TUSC3: variants seen among roughly 807,000 people sequenced by gnomAD.
TUSC3 encodes dolichyl-diphosphooligosaccharide--protein glycosyltransferase subunit TUSC3.
In TUSC3, 45 loss-of-function variants were observed where a neutral mutation model predicts 44.8. The observed-to-expected ratio is 1.00, with a 90% CI of 0.79 to 1.29. The LOEUF (loss-of-function observed/expected upper bound fraction) is 1.29, where lower values mean the gene tolerates loss of function less well. Ranked by LOEUF, TUSC3 falls within the 50% of genes most tolerant of loss-of-function variation. TUSC3 has a pLI of 0.00. For synonymous variants in TUSC3, 212 were observed against 152.9 expected (o/e 1.39, Z -2.85); for missense variants, 519 against 437.9 (o/e 1.19, Z -1.65).
chr8:15,517,948 C>T lies in TUSC3; in HGVS notation n.189+34465C>T, dbSNP rs554420035. Among the ~76,000 whole-genome samples, 6 of 151,222 alleles carry T rather than the reference C, an allele frequency of 4.0e-5. No individual in the cohort carries two copies. The South Asian group carries it at 1.3e-3, about 32-fold the overall frequency. ...GCTTTGGTACTATCGCAACTATTTA[C>T]ATTTGAAAACATCCTTACAACCCTC... On this transcript the variant is annotated intron_variant and non_coding_transcript_variant, in intron 2 of 5. Coordinates refer to the TUSC3 transcript ENST00000503191.
the TUSC3 span, among the ~76,000 whole-genome samples, chr8:15,795,845 TCAGC>T: frequency 2.0e-5 from 3 of 152,154 alleles, no homozygotes; most frequent in African/African-American, 4.8e-5. Flanking sequence ...CTGCATGAGG[TCAGC>T]CAGTCCAATC....
At chr8:15,771,742 C>T in the TUSC3 span, among the ~76,000 whole-genome samples, 1 of 151,888 alleles carries the variant, frequency 6.6e-6, no homozygotes, top group South Asian at 2.1e-4. Flanking sequence ...TTATGAGATA[C>T]ACAAAAAGGA....
intron 2 of TUSC3, among the ~76,000 whole-genome samples, chr8:15,494,406 C>A (rs996681522): frequency 2.0e-5 from 3 of 151,542 alleles, no homozygotes; most frequent in Admixed American, 2.0e-4. Context: ...CAGCCTCTGC[C>A]TCCCAGGTTC....
intron 2 of TUSC3, among the ~76,000 whole-genome samples, chr8:15,522,334 G>C (rs987342031): frequency 6.6e-6 from 1 of 151,964 alleles, no homozygotes; most frequent in African/African-American, 2.4e-5. Context: ...CCGGGTTCAA[G>C]CAATTCTTGT....
chr8:15,441,850 A>C (rs28622554), intron 1 of TUSC3, among the ~76,000 whole-genome samples: 24,791 of 152,138 alleles, frequency 0.16, 2,110 homozygotes, highest in Middle Eastern at 0.22. Flanking sequence ...TCTAAGCACA[A>C]TGTCAACCAA....
At chr8:15,699,124 A>T (rs1396710382) in intron 6 of TUSC3, among the ~76,000 whole-genome samples, 1 of 152,220 alleles carries the variant, frequency 6.6e-6, no homozygotes, top group African/African-American at 2.4e-5. Context: ...CCAGGATTAC[A>T]GAGGTGAGCC....
At chr8:15,846,611 A>G in the TUSC3 span, among the ~76,000 whole-genome samples, 1 of 152,128 alleles carries the variant, frequency 6.6e-6, no homozygotes, top group Non-Finnish European at 1.5e-5. Context: ...ATAAGAACAG[A>G]AAACCAAACA....
At chr8:15,732,528 A>T (rs553145898) in intron 7 of TUSC3, among the ~76,000 whole-genome samples, 1 of 152,056 alleles carries the variant, frequency 6.6e-6, no homozygotes, top group African/African-American at 2.4e-5. Context: ...CGTGAGAACA[A>T]ATACACCTAG....
rs1811308864 is a variant in TUSC3, at chr8:15,744,148, C to A, written c.937+536C>A. Among the ~76,000 whole-genome samples, 3 of 152,270 alleles carry A rather than the reference C, an allele frequency of 2.0e-5. No individual in the cohort carries two copies. The East Asian group carries it at 5.8e-4, about 29-fold the overall frequency. ...ATCTTTTCCAGGGTCTTTGCCTTTT[C>A]CATTGATATACCAAGATTTACAACT... On this transcript the variant is annotated intron_variant, in intron 8 of 10. Transcript: ENST00000503731.
intron 9 of TUSC3, among the ~76,000 whole-genome samples, chr8:15,754,444 A>G (rs1811836684): frequency 6.6e-6 from 1 of 152,168 alleles, no homozygotes; most frequent in South Asian, 2.1e-4. Flanking sequence ...ATCAACTGCT[A>G]GTACAGACAC....
intron 10 of TUSC3, among the ~76,000 whole-genome samples, chr8:15,761,291 C>T: frequency 6.6e-6 from 1 of 152,122 alleles, no homozygotes; most frequent in African/African-American, 2.4e-5. Context: ...GAGAGCCAGC[C>T]TTAAGGAGAG....
chr8:15,483,742 G>C (rs1025133472), intron 2 of TUSC3, among the ~76,000 whole-genome samples: 1 of 136,664 alleles, frequency 7.3e-6, no homozygotes, highest in Non-Finnish European at 1.5e-5. Flanking sequence ...TGCAAACTCC[G>C]CCTCCCGAGT....
At chr8:15,665,314 C>G (rs1807611329) in intron 5 of TUSC3, among the ~76,000 whole-genome samples, 1 of 151,418 alleles carries the variant, frequency 6.6e-6, no homozygotes, top group African/African-American at 2.4e-5. Flanking sequence ...TACAGAATCT[C>G]TGGCCCCATG....
intron 1 of TUSC3, among the ~76,000 whole-genome samples, chr8:15,575,225 T>G (rs1027920388): frequency 1.3e-5 from 2 of 152,198 alleles, no homozygotes; most frequent in African/African-American, 4.8e-5. Context: ...AAGTGGATTT[T>G]GTGTACTTGA....
At chr8:15,779,365 G>A in the TUSC3 span, among the ~76,000 whole-genome samples, 1 of 151,938 alleles carries the variant, frequency 6.6e-6, no homozygotes, top group Non-Finnish European at 1.5e-5. Flanking sequence ...ACTGTGCCCA[G>A]CCCACATATG....
chr8:15,736,622 T>G (rs1810949364), intron 7 of TUSC3, among the ~76,000 whole-genome samples: 1 of 152,200 alleles, frequency 6.6e-6, no homozygotes, highest in Non-Finnish European at 1.5e-5. Context: ...AGACATGTAA[T>G]TACAAGTAGT....
At chr8:15,775,319 G>T in the TUSC3 span, among the ~76,000 whole-genome samples, 1 of 152,062 alleles carries the variant, frequency 6.6e-6, no homozygotes, top group Non-Finnish European at 1.5e-5. Flanking sequence ...AGGATGGGGA[G>T]TGACTATTTA....
At chr8:15,734,869 TGGAATACAAATTTTGA>T (rs1810866880) in intron 7 of TUSC3, among the ~76,000 whole-genome samples, 2 of 152,172 alleles carry the variant, frequency 1.3e-5, no homozygotes, top group African/African-American at 4.8e-5. Context: ...TCATCAAGGC[TGGAATACAAATTTTGA>T]GGAGATTGGT....
the TUSC3 span, among the ~76,000 whole-genome samples, chr8:15,801,771 T>C: frequency 6.6e-6 from 1 of 152,158 alleles, no homozygotes; most frequent in Non-Finnish European, 1.5e-5. Flanking sequence ...AACCTCCTGA[T>C]ACCATGGGAT....
Sources: gnomAD v4.1 joint callset for allele counts (sites outside exome capture counted in the v4.1 genomes callset) on GRCh38, gnomAD v4.1.1 for gene constraint, MANE v1.5 for transcripts, NCBI Gene and HGNC (gene_info 2026-07-23, HGNC 2026-07-21) for gene names.